The following AMPD1 variants were observed in gnomAD, a reference collection of about 807,000 sequenced individuals.
AMPD1 encodes AMP deaminase 1.
AMPD1 carries 74 observed loss-of-function variants against 82.9 expected under a neutral mutation model. The observed-to-expected ratio is 0.89, with a 90% CI of 0.74 to 1.08. The LOEUF (loss-of-function observed/expected upper bound fraction) is 1.08, where lower values mean the gene tolerates loss of function less well. Among genes scored for constraint, AMPD1 ranks in the 50% least tolerant of loss-of-function variants. The pLI, the probability that AMPD1 is intolerant of heterozygous loss-of-function variation, is 0.00. For missense variants in AMPD1, 881 were observed against 924.5 expected (o/e 0.95, Z 0.61); for synonymous variants, 333 against 320.5 (o/e 1.04, Z -0.42).
At position 114,673,723 on chromosome 1, in the gene AMPD1, A is replaced by AATAGC; in HGVS notation, c.1996_2000dup (p.Ile667MetfsTer10). On this transcript the variant is annotated frameshift_variant, in exon 15 of 16. Coordinates refer to ENST00000520113, the MANE Select transcript of AMPD1 (RefSeq NM_000036.3). LOFTEE classifies it high-confidence loss of function. ...TGCTCAGCTTGAAGACTTGTGCAGC[A>AATAGC]ATAGCATATTCTTCCATTAGGGGCT... 1 of 1,614,094 alleles carries AATAGC rather than the reference A, an allele frequency of 6.2e-7. No homozygotes were observed.
Position 114,678,447 on chromosome 1 carries a change from A to G in AMPD1, c.978T>C (p.Asp326=). 6.2e-7 allele frequency: 1 copy of G among 1,614,218 alleles called. No homozygotes were observed. Among genetic ancestry groups the G allele is most frequent in the Non-Finnish European group, 8.5e-7 (1 of 1,180,040 alleles). Residue 326 remains aspartate (D), a synonymous_variant, in exon 8 of 16, where the codon GAT becomes GAC. Coordinates refer to ENST00000520113, the MANE Select transcript of AMPD1 (RefSeq NM_000036.3). ...LRFIKKSYQI[D]ADRVVYSTKE... The stretch of plus-strand genomic sequence containing the variant: ...TGGTGCTATAGACCACTCTGTCAGC[A>G]TCAATTTGGTAAGATTTCTTAATAA...
At chr1:114,679,414 T>G (rs1029193745) in intron 7 of AMPD1, among the ~76,000 whole-genome samples, 165 bp downstream of exon 7, 2 of 152,250 alleles carry the variant, frequency 1.3e-5, no homozygotes, top group Non-Finnish European at 2.9e-5. Context: ...GAAATGGCAC[T>G]TAACCCTAAC....
rs1005678806 is a variant in AMPD1, at chr1:114,694,326, T to G, written c.23-879A>C. Among the ~76,000 whole-genome samples, 5 of 152,252 alleles carry G rather than the reference T, an allele frequency of 3.3e-5. 1 individual carries two copies. The highest frequency in any genetic ancestry group is 3.3e-4 in the Admixed American group (5 of 15,298). ...AGAATATGCAGTCTTTTAAAATGGT[T>G]TTTAGGAAAGGTTTGGGATACCATG... On this transcript the variant is annotated intron_variant, in intron 1 of 15. Transcript: ENST00000520113.
rs1334976765 is a variant in AMPD1 at position 114,684,364 on chromosome 1, C to T, written c.382G>A (p.Val128Ile). ...ACAATTTCAAAATCTTCAACTGTAA[C>T]CTGCCAAAAAAAAAAAAGTCAGCAT... ...VQITGDYASG[V>I]TVEDFEIVCK... The change falls in exon 5 of 16, where the codon GTT (valine) becomes ATT (isoleucine). Residue 128 changes from valine to isoleucine, a missense_variant and splice_region_variant. Val to Ile is a conservative substitution (Grantham distance 29). This residue lies in a region of AMPD1 where 783 missense variants were observed against 786.4 expected (regional missense o/e 1.00). Coordinates refer to ENST00000520113, the MANE Select transcript of AMPD1 (RefSeq NM_000036.3). The T allele has an allele frequency of 6.2e-7, 1 of 1,612,002 alleles. No homozygotes were observed. The highest frequency in any genetic ancestry group is 2.2e-5 in the East Asian group (1 of 44,844).
At position 114,675,964 on chromosome 1, in the gene AMPD1, T is replaced by C; in HGVS notation, c.1428A>G (p.Gly476=). ...GCATGAAAATATTCTCCAGCATTTT[T>C]CCAAAATGTGGAAGGAAATTCTTGG... The part of the protein sequence containing the change: ...FRSKNFLPHF[G]KMLENIFMPV... Residue 476 remains glycine, a synonymous_variant, in exon 11 of 16, where the codon GGA becomes GGG. Transcript: ENST00000520113. 6.2e-7 allele frequency: 1 copy of C among 1,614,066 alleles called. No individual in the cohort carries two copies. The highest frequency in any genetic ancestry group is 8.5e-7 in the Non-Finnish European group (1 of 1,180,016).
rs1475428132 is a variant in AMPD1 at position 114,677,416 on chromosome 1, G to C, written c.1323C>G (p.Ser441=). 6.2e-7 allele frequency: 1 copy of C among 1,611,968 alleles called. No homozygotes were observed. The highest frequency in any genetic ancestry group is 2.2e-5 in the East Asian group (1 of 44,794). Residue 441 remains serine, a synonymous_variant, in exon 10 of 16, where the codon TCC becomes TCG. Transcript: ENST00000520113. ...RSPDEWSKLS[S]WFVCNRIHCP... ...AGTGGATGCGATTGCAGACGAACCA[G>C]GAGGAGAGTTTGCTCCACTCATCAG...
At chr1:114,678,212 C>A in intron 8 of AMPD1, 121 bp downstream of exon 8, 1 of 1,470,808 alleles carries the variant, frequency 6.8e-7, no homozygotes, top group Middle Eastern at 2.1e-4. Flanking sequence ...GTCTGTGGTG[C>A]TTTCAGGCAG....
Position 114,673,110 on chromosome 1 carries a change from T to C in AMPD1, c.*4A>G, listed in dbSNP as rs773732909. On this transcript the variant is annotated 3_prime_UTR_variant, in exon 16 of 16. Transcript: ENST00000520113. ...ACTCATATTATTATTTGGTTTACTTTTTTTTATTCTGTTGATTTAAGACCC... is the reference window on the plus strand; with the variant it reads ...ACTCATATTATTATTTGGTTTACTTCTTTTTATTCTGTTGATTTAAGACCC... 3.7e-6 allele frequency: 6 copies of C among 1,612,218 alleles called. No homozygotes were observed. Among genetic ancestry groups the C allele is most frequent in the Non-Finnish European group, 5.1e-6 (6 of 1,178,472 alleles).
intron 2 of AMPD1, 170 bp from the exon 3 acceptor site, chr1:114,688,911 C>A (rs763057354): frequency 1.3e-6 from 1 of 789,660 alleles, no homozygotes. Context: ...TAGTGGGTTT[C>A]TGTGTGGGTA....
intron 2 of AMPD1, chr1:114,689,056 G>A: frequency 1.7e-6 from 1 of 586,962 alleles, no homozygotes; most frequent in South Asian, 1.4e-5. Context: ...TTTCTGGCAA[G>A]GCTAAGTTTG....
chr1:114,686,680 G>T (rs986342028), intron 4 of AMPD1, 65 bp downstream of exon 4: 27 of 1,544,312 alleles, frequency 1.7e-5, no homozygotes, highest in Non-Finnish European at 2.2e-5. Flanking sequence ...AGAAGGCAAG[G>T]AGCTAGAACT....
intron 9 of AMPD1, 111 bp from the exon 10 acceptor site, chr1:114,677,625 G>C (rs1658027862): frequency 7.6e-6 from 11 of 1,448,556 alleles, no homozygotes; most frequent in Non-Finnish European, 1.0e-5. Flanking sequence ...GAAAAGGCTA[G>C]GTCCTTAATC....
At chr1:114,677,859 T>TTCCTTCC in intron 9 of AMPD1, 51 bp downstream of exon 9, 1 of 1,417,906 alleles carries the variant, frequency 7.1e-7, no homozygotes. Flanking sequence ...CCTTCTTCCC[T>TTCCTTCC]TTCCTCAAGA....
chr1:114,689,094 G>A (rs1334926283), intron 2 of AMPD1, among the ~76,000 whole-genome samples: 1 of 152,348 alleles, frequency 6.6e-6, no homozygotes, highest in Middle Eastern at 3.4e-3. Flanking sequence ...ATGCAGCACA[G>A]TTCTTCCCAT....
rs587779379 is a variant in AMPD1, at chr1:114,680,299, C to G, written c.727G>C (p.Asp243His). The G allele has an allele frequency of 1.2e-6, 2 of 1,614,116 alleles. No homozygotes were observed. Among genetic ancestry groups the G allele is most frequent in the Non-Finnish European group, 1.7e-6 (2 of 1,180,028 alleles). Reference protein sequence around the residue: ...PYPNLDTFLDDMNFLLALIAQ... With the variant: ...PYPNLDTFLDHMNFLLALIAQ... ...ATTAAAGCAAGTAAAAAATTCATATCGTCTAAGAAGGTGTCCAGATTTGGG... is the reference window on the plus strand; with the variant it reads ...ATTAAAGCAAGTAAAAAATTCATATGGTCTAAGAAGGTGTCCAGATTTGGG... Residue 243 changes from aspartate (D) to histidine (H), a missense_variant, in exon 6 of 16, where the codon GAT becomes CAT. This residue lies in a region of AMPD1 where 783 missense variants were observed against 786.4 expected (regional missense o/e 1.00). Coordinates refer to ENST00000520113, the MANE Select transcript of AMPD1 (RefSeq NM_000036.3).
rs1018620096 is a variant in AMPD1, at chr1:114,673,156, A to G, written c.2202T>C (p.Tyr734=). ...GACCCTCAGCAATTAAATTGAGTTC[A>G]TAACACCAGGTTTCATAGCGATAGG... ...RMAYRYETWC[Y]ELNLIAEGLK... is the part of the protein sequence containing the mutation. The change falls in exon 16 of 16, where the codon TAT becomes TAC. Residue 734 remains tyrosine (Y), a synonymous_variant. Transcript: ENST00000520113. 1 of 1,614,140 alleles carries G rather than the reference A, an allele frequency of 6.2e-7. No individual in the cohort carries two copies. Among genetic ancestry groups the G allele is most frequent in the Non-Finnish European group, 8.5e-7 (1 of 1,179,998 alleles).
chr1:114,692,322 A>T (rs1174488924), intron 2 of AMPD1, among the ~76,000 whole-genome samples: 1 of 152,184 alleles, frequency 6.6e-6, no homozygotes, highest in Admixed American at 6.5e-5. Flanking sequence ...ACCTACTATC[A>T]GTCAGCAAAA....
intron 13 of AMPD1, 31 bp downstream of exon 13, chr1:114,674,721 G>T (rs754385699): frequency 3.7e-6 from 6 of 1,608,442 alleles, no homozygotes; most frequent in Non-Finnish European, 5.1e-6. Flanking sequence ...TAGCTCCAAT[G>T]TAAAAGTTAA....
chr1:114,686,580 A>G (rs975259601), intron 4 of AMPD1, among the ~76,000 whole-genome samples, 165 bp downstream of exon 4: 1 of 152,252 alleles, frequency 6.6e-6, no homozygotes, highest in African/African-American at 2.4e-5. Flanking sequence ...CAACAGAAAC[A>G]TAAGACATAC....
Sources: allele counts gnomAD v4.1 joint callset (sites outside exome capture counted in the v4.1 genomes callset), GRCh38; gene constraint gnomAD v4.1.1; regional missense constraint gnomAD v4.1.1; transcripts MANE v1.5; gene names NCBI Gene and HGNC (gene_info 2026-07-23, HGNC 2026-07-21).